Variants in CTIF observed in about 807,000 individuals in gnomAD.
CTIF encodes the protein cap binding complex dependent translation initiation factor.
Under a neutral mutation model 66.0 loss-of-function variants are expected in CTIF, and 21 were observed. The observed-to-expected ratio is 0.32, with a 90% confidence interval of 0.23 to 0.46. The LOEUF is 0.46. CTIF is among the 20% of genes least tolerant of loss of function. The pLI, the probability that CTIF is intolerant of heterozygous loss-of-function variation, is 1.00. For synonymous variants in CTIF, 345 were observed against 326.4 expected (o/e 1.06, Z -0.62); for missense variants, 739 against 812.7 (o/e 0.91, Z 1.10).
chr18:48,551,710 A>C (rs1169087044), intron 1 of CTIF, among the ~76,000 whole-genome samples: 1 of 152,142 alleles, frequency 6.6e-6, no homozygotes, highest in Non-Finnish European at 1.5e-5. Flanking sequence ...AAGCTGTTGC[A>C]TTTGGGCAGT....
intron 10 of CTIF, among the ~76,000 whole-genome samples, chr18:48,839,104 A>C (rs1028123562): frequency 3.9e-5 from 6 of 152,052 alleles, no homozygotes; most frequent in Non-Finnish European, 8.8e-5. Flanking sequence ...GATTTTCTTG[A>C]ATCTGGCCAC....
At chr18:48,835,783 G>C (rs985956215) in intron 10 of CTIF, among the ~76,000 whole-genome samples, 2 of 152,128 alleles carry the variant, frequency 1.3e-5, no homozygotes, top group Admixed American at 1.3e-4. Flanking sequence ...GGTGTGGAGA[G>C]GGGACTGTGT....
rs1166335610 is a variant in CTIF at position 48,861,707 on chromosome 18, C to T, written c.*2148C>T. On this transcript the variant is annotated 3_prime_UTR_variant, in exon 12 of 12. Transcript: ENST00000256413. ...CGGTGAGCTCAGAGCAAGCTTCACG[C>T]AGGACGCTCCGAAACACTGTGTGGA... is the stretch of plus-strand genomic sequence containing the variant. The T allele has an allele frequency of 6.6e-6, 1 of 152,340 alleles. No individual in the cohort carries two copies. The highest frequency in any genetic ancestry group is 1.5e-5 in the Non-Finnish European group (1 of 68,122). 9.4% of individuals were successfully genotyped at this position (152,340 alleles called of 1,614,324 possible). A position where few individuals can be genotyped will look rare whatever the true frequency, so the allele number is the denominator to read the frequency against.
chr18:48,749,572 T>C (rs565631398), intron 7 of CTIF, among the ~76,000 whole-genome samples: 1 of 152,354 alleles, frequency 6.6e-6, no homozygotes, highest in South Asian at 2.1e-4. Context: ...ATTCATGCTC[T>C]GTTGCTTGGA....
At chr18:48,707,696 C>G (rs2086597) in intron 6 of CTIF, among the ~76,000 whole-genome samples, 1 of 151,826 alleles carries the variant, frequency 6.6e-6, no homozygotes, top group Non-Finnish European at 1.5e-5. Flanking sequence ...CCCCCAGATA[C>G]TTTTTACCTT....
At chr18:48,641,547 A>G (rs1477628368) in intron 3 of CTIF, among the ~76,000 whole-genome samples, 1 of 152,202 alleles carries the variant, frequency 6.6e-6, no homozygotes, top group East Asian at 1.9e-4. Flanking sequence ...TCCCTGGAAT[A>G]AGTGAAGGGC....
At chr18:48,593,880 G>A (rs1218165762) in intron 1 of CTIF, among the ~76,000 whole-genome samples, 1 of 152,192 alleles carries the variant, frequency 6.6e-6, no homozygotes, top group Non-Finnish European at 1.5e-5. Flanking sequence ...GCCAGGCCCA[G>A]TGATGCTGGG....
At chr18:48,691,796 C>A (rs1011666686) in intron 6 of CTIF, among the ~76,000 whole-genome samples, 2 of 152,182 alleles carry the variant, frequency 1.3e-5, no homozygotes, top group Non-Finnish European at 2.9e-5. Context: ...TGGAATGTTT[C>A]TTCACTCCCT....
chr18:48,680,576 C>T (rs60965696), intron 6 of CTIF, among the ~76,000 whole-genome samples: 2,428 of 152,350 alleles, frequency 0.016, 76 homozygotes, highest in African/African-American at 0.055. Context: ...ACCCTGCACA[C>T]GTCCACCCGC....
intron 2 of CTIF, among the ~76,000 whole-genome samples, chr18:48,620,275 C>T (rs150520043): frequency 8.4e-4 from 128 of 152,278 alleles, no homozygotes; most frequent in African/African-American, 3.0e-3. Context: ...ATCCAACCAG[C>T]GTCATGTTTG....
intron 7 of CTIF, among the ~76,000 whole-genome samples, chr18:48,722,694 G>A (rs1461156139): frequency 2.6e-5 from 4 of 151,300 alleles, no homozygotes; most frequent in Admixed American, 2.0e-4. Context: ...GCACCCAGCC[G>A]TACCCATCAG....
At chr18:48,676,670 G>A (rs566773215) in intron 6 of CTIF, among the ~76,000 whole-genome samples, 11 of 151,944 alleles carry the variant, frequency 7.2e-5, no homozygotes, top group Non-Finnish European at 1.2e-4. Flanking sequence ...CCCATTGAGG[G>A]TCCCCAGAAG....
intron 7 of CTIF, among the ~76,000 whole-genome samples, chr18:48,714,825 G>A (rs1036794053): frequency 6.6e-6 from 1 of 152,190 alleles, no homozygotes; most frequent in African/African-American, 2.4e-5. Context: ...ACTTTTGAAA[G>A]CCCTGTCCCT....
At chr18:48,729,982 G>A (rs1312340814) in intron 7 of CTIF, among the ~76,000 whole-genome samples, 1 of 152,224 alleles carries the variant, frequency 6.6e-6, no homozygotes, top group Non-Finnish European at 1.5e-5. Flanking sequence ...TGCCTCAGGA[G>A]GCTTCACCTC....
intron 1 of CTIF, among the ~76,000 whole-genome samples, chr18:48,592,614 A>G (rs1433420454): frequency 2.6e-5 from 4 of 152,176 alleles, no homozygotes; most frequent in Admixed American, 6.5e-5. Flanking sequence ...TGCGTGGGCA[A>G]CCACTCAAGT....
chr18:48,651,181 T>A (rs185748214), intron 3 of CTIF, among the ~76,000 whole-genome samples: 1 of 152,280 alleles, frequency 6.6e-6, no homozygotes, highest in East Asian at 1.9e-4. Context: ...AATGCCCCAA[T>A]TAAAAGACAC....
chr18:48,765,586 A>G (rs2046244), intron 9 of CTIF, among the ~76,000 whole-genome samples: 121,579 of 152,246 alleles, frequency 0.8, 48,840 homozygotes, highest in African/African-American at 0.88. Flanking sequence ...AACATTCTGC[A>G]GCAGAGGTCT....
chr18:48,739,085 G>T (rs969483628), intron 7 of CTIF, among the ~76,000 whole-genome samples: 2 of 152,264 alleles, frequency 1.3e-5, no homozygotes, highest in African/African-American at 4.8e-5. Flanking sequence ...TGGTCCCCCT[G>T]TCTCTAAGTC....
chr18:48,686,141 T>TA (rs1328897149), intron 6 of CTIF, among the ~76,000 whole-genome samples: 2 of 152,246 alleles, frequency 1.3e-5, no homozygotes, highest in African/African-American at 4.8e-5. Flanking sequence ...ATAGTGGTTT[T>TA]AAAAAATTCC....
Sources: allele counts gnomAD v4.1 joint callset (sites outside exome capture counted in the v4.1 genomes callset), GRCh38; gene constraint gnomAD v4.1.1; transcripts MANE v1.5; gene names NCBI Gene and HGNC (gene_info 2026-07-23, HGNC 2026-07-21).